DENND1A: variants seen among roughly 807,000 people sequenced by gnomAD.
DENND1A encodes DENN domain-containing protein 1A.
In DENND1A, 51 loss-of-function variants were observed where a neutral mutation model predicts 113.7. The ratio of observed to expected loss-of-function variants is 0.45; its 90% CI spans 0.36 to 0.57. The LOEUF (loss-of-function observed/expected upper bound fraction) is 0.57. DENND1A is among the 20% of genes least tolerant of loss of function. The pLI is 0.00. For missense variants in DENND1A, 1,258 were observed against 1,395.9 expected (o/e 0.90, Z 1.57); for synonymous variants, 565 against 570.8 (o/e 0.99, Z 0.14).
At chr9:123,833,166 A>G (rs928017889) in intron 2 of DENND1A, among the ~76,000 whole-genome samples, 9 of 151,714 alleles carry the variant, frequency 5.9e-5, no homozygotes, top group African/African-American at 2.2e-4. Context: ...AAAGAAAAAA[A>G]AACAAAAAGG....
intron 19 of DENND1A, among the ~76,000 whole-genome samples, chr9:123,417,449 C>T (rs2044827852): frequency 6.6e-6 from 1 of 152,164 alleles, no homozygotes; most frequent in Non-Finnish European, 1.5e-5. Flanking sequence ...GGATTATTTC[C>T]CTGTTACAGA....
At chr9:123,707,447 C>T (rs1348729689) in intron 5 of DENND1A, among the ~76,000 whole-genome samples, 1 of 149,700 alleles carries the variant, frequency 6.7e-6, no homozygotes, top group East Asian at 2.0e-4. Flanking sequence ...TGGAAGGGAG[C>T]ACCATTTAAC....
At chr9:123,579,085 A>AG (rs2058760600) in intron 12 of DENND1A, among the ~76,000 whole-genome samples, 1 of 152,204 alleles carries the variant, frequency 6.6e-6, no homozygotes. Flanking sequence ...AGAAACAAAA[A>AG]CAGGGGGGTA....
At chr9:123,750,208 C>T (rs2069889688) in intron 5 of DENND1A, among the ~76,000 whole-genome samples, 1 of 152,176 alleles carries the variant, frequency 6.6e-6, no homozygotes, top group African/African-American at 2.4e-5. Context: ...GGCTATTTCT[C>T]TTTCTTCTCT....
At chr9:123,928,931 TAAAC>T (rs1281879542) in intron 1 of DENND1A, 1 of 975,028 alleles carries the variant, frequency 1.0e-6, no homozygotes, top group African/African-American at 1.8e-5. Flanking sequence ...TTAATGCCCT[TAAAC>T]AATTCTATTA....
At chr9:123,521,100 G>A (rs568907870) in intron 13 of DENND1A, among the ~76,000 whole-genome samples, 1 of 152,256 alleles carries the variant, frequency 6.6e-6, no homozygotes, top group Non-Finnish European at 1.5e-5. Flanking sequence ...AGATCCTCAC[G>A]CCGAGACACA....
At chr9:123,798,777 C>T (rs1393757794) in intron 2 of DENND1A, among the ~76,000 whole-genome samples, 2 of 148,574 alleles carry the variant, frequency 1.3e-5, no homozygotes, top group African/African-American at 2.5e-5. Flanking sequence ...CTTACATTTA[C>T]CTTTTTCTCT....
At chr9:123,874,218 GA>G (rs1433878997) in intron 2 of DENND1A, among the ~76,000 whole-genome samples, 2 of 138,030 alleles carry the variant, frequency 1.4e-5, no homozygotes, top group African/African-American at 5.6e-5. Flanking sequence ...AAAAAAAAAC[GA>G]AAAAAAGGAA....
chr9:123,669,280 A>T (rs1308996110), intron 7 of DENND1A, among the ~76,000 whole-genome samples: 1 of 152,168 alleles, frequency 6.6e-6, no homozygotes. Flanking sequence ...TCAGAAATGC[A>T]ATATGGAGAG....
intron 9 of DENND1A, among the ~76,000 whole-genome samples, chr9:123,640,379 G>A (rs2061964188): frequency 1.3e-5 from 2 of 152,176 alleles, no homozygotes; most frequent in African/African-American, 2.4e-5. Flanking sequence ...CAGGGGGTAA[G>A]GGTGGGTCAA....
intron 13 of DENND1A, among the ~76,000 whole-genome samples, chr9:123,492,379 A>G (rs1298417062): frequency 1.3e-5 from 2 of 152,230 alleles, no homozygotes; most frequent in African/African-American, 4.8e-5. Flanking sequence ...GGCTGGGCAG[A>G]CCACAGAGGG....
At chr9:123,899,695 C>T (rs1255744019) in intron 1 of DENND1A, among the ~76,000 whole-genome samples, 2 of 152,150 alleles carry the variant, frequency 1.3e-5, no homozygotes, top group Non-Finnish European at 2.9e-5. Flanking sequence ...TGCTTGAGTA[C>T]CACTGAACTA....
At chr9:123,690,243 A>G (rs1469541375) in intron 5 of DENND1A, among the ~76,000 whole-genome samples, 1 of 152,170 alleles carries the variant, frequency 6.6e-6, no homozygotes, top group Non-Finnish European at 1.5e-5. Flanking sequence ...AGAAGAAAAG[A>G]CAAACTAATA....
At chr9:123,588,633 A>ACGGGGGGG (rs1554894950) in intron 11 of DENND1A, among the ~76,000 whole-genome samples, 14 of 86,452 alleles carry the variant, frequency 1.6e-4, no homozygotes, top group African/African-American at 6.0e-4. Context: ...AAAAAAAAAA[A>ACGGGGGGG]GGGGGGGGGG....
At chr9:123,722,688 C>T (rs1004923795) in intron 5 of DENND1A, among the ~76,000 whole-genome samples, 2 of 152,210 alleles carry the variant, frequency 1.3e-5, no homozygotes, top group African/African-American at 4.8e-5. Context: ...TTGGCAGCTT[C>T]CACATGGTAT....
At chr9:123,870,761 C>T (rs940496129) in intron 2 of DENND1A, among the ~76,000 whole-genome samples, 7 of 151,902 alleles carry the variant, frequency 4.6e-5, no homozygotes, top group African/African-American at 1.5e-4. Flanking sequence ...CATGGTTCTA[C>T]GACTTTGTGG....
rs2062751883 is a variant in DENND1A at position 123,653,250 on chromosome 9, A to G, written c.508-1127T>C. ...TACCAAGTTAACCATCAACCTTTAT[A>G]AATACAGAGCAAGTGAATTAACAGC... is the stretch of plus-strand genomic sequence containing the variant. On this transcript the variant is annotated intron_variant, in intron 8 of 23. Coordinates refer to ENST00000394215, the MANE Select transcript of DENND1A (RefSeq NM_001352964.2). Among the ~76,000 whole-genome samples, 3 of 152,354 alleles carry G rather than the reference A, an allele frequency of 2.0e-5. No homozygotes were observed. In the South Asian group the frequency reaches 6.2e-4, roughly 32 times the overall value.
At chr9:123,438,935 G>A (rs756775235) in intron 19 of DENND1A, among the ~76,000 whole-genome samples, 2 of 152,066 alleles carry the variant, frequency 1.3e-5, no homozygotes, top group Non-Finnish European at 2.9e-5. Context: ...CCTCTCCCCC[G>A]CCCCCTCTTT....
chr9:123,412,764 C>T (rs2044410991), intron 19 of DENND1A, among the ~76,000 whole-genome samples: 1 of 152,212 alleles, frequency 6.6e-6, no homozygotes, highest in Admixed American at 6.5e-5. Flanking sequence ...ACGCGAGACC[C>T]AGGCCGCGGA....
Sources: allele counts gnomAD v4.1 joint callset (sites outside exome capture counted in the v4.1 genomes callset), GRCh38; gene constraint gnomAD v4.1.1; transcripts MANE v1.5; gene names NCBI Gene and HGNC (gene_info 2026-07-23, HGNC 2026-07-21).